Variants in LDLRAD4 observed in about 807,000 individuals in gnomAD.
LDLRAD4 encodes low-density lipoprotein receptor class A domain-containing protein 4.
LDLRAD4 carries 5 observed loss-of-function variants against 17.0 expected under a neutral mutation model. The observed-to-expected ratio is 0.29, with a 90% CI of 0.15 to 0.62. LDLRAD4 has a LOEUF of 0.62. Among genes scored for constraint, LDLRAD4 ranks in the 20% least tolerant of loss-of-function variants. The pLI is 0.84. For synonymous variants in LDLRAD4, 168 were observed against 171.8 expected (o/e 0.98, Z 0.17); for missense variants, 340 against 424.7 (o/e 0.80, Z 1.75).
rs948921988 is a variant in LDLRAD4 at position 13,334,220 on chromosome 18, G to A, written c.-382-53121G>A. On this transcript the variant is annotated intron_variant, in intron 1 of 5. Transcript: ENST00000359446. ...TTCATTTGTTCTTCGCTGGTCTATA[G>A]GAAAGCAATTACCTTTTTTATTTCT... Among the ~76,000 whole-genome samples, 4 of 151,956 alleles carry A rather than the reference G, an allele frequency of 2.6e-5. No homozygotes were observed. In the South Asian group the frequency reaches 6.2e-4, roughly 24 times the overall value.
At chr18:13,218,259 C>G (rs2041260636), upstream of LDLRAD4, among the ~76,000 whole-genome samples, 1 of 152,154 alleles carries the variant, frequency 6.6e-6, no homozygotes, top group Non-Finnish European at 1.5e-5. Flanking sequence ...AAGCTGGGCG[C>G]CGAGCGCGCG....
chr18:13,631,996 G>A (rs1245166510), intron 4 of LDLRAD4, among the ~76,000 whole-genome samples: 1 of 152,130 alleles, frequency 6.6e-6, no homozygotes, highest in African/African-American at 2.4e-5. Context: ...ATCAACAAGT[G>A]GGGGATTTAT....
intron 1 of LDLRAD4, among the ~76,000 whole-genome samples, chr18:13,363,222 C>T (rs917799890): frequency 1.3e-5 from 2 of 151,094 alleles, no homozygotes. Context: ...GTCCCAGCTA[C>T]GTGGGAGGCT....
At chr18:13,259,056 G>A (rs1436115194) in intron 1 of LDLRAD4, among the ~76,000 whole-genome samples, 2 of 152,318 alleles carry the variant, frequency 1.3e-5, no homozygotes, top group South Asian at 2.1e-4. Context: ...GAGTATTCCT[G>A]AAACAAATGC....
intron 1 of LDLRAD4, among the ~76,000 whole-genome samples, chr18:13,375,917 A>C (rs1289675333): frequency 2.0e-5 from 3 of 152,156 alleles, no homozygotes; most frequent in Non-Finnish European, 4.4e-5. Context: ...TCTAGTTTTT[A>C]AGTAAAAATA....
intron 1 of LDLRAD4, among the ~76,000 whole-genome samples, chr18:13,286,833 A>G (rs1354666363): frequency 6.6e-6 from 1 of 152,090 alleles, no homozygotes; most frequent in Non-Finnish European, 1.5e-5. Flanking sequence ...ACAGCTGTGG[A>G]GAAGAGGCCT....
chr18:13,445,441 G>T (rs1194391136), intron 3 of LDLRAD4, among the ~76,000 whole-genome samples: 1 of 152,098 alleles, frequency 6.6e-6, no homozygotes, highest in African/African-American at 2.4e-5. Flanking sequence ...GCCATGGGTG[G>T]AGTGTGTATG....
intron 1 of LDLRAD4, among the ~76,000 whole-genome samples, chr18:13,231,777 C>A (rs1371061954): frequency 1.3e-5 from 2 of 152,204 alleles, no homozygotes; most frequent in South Asian, 2.1e-4. Context: ...CTTTAAGGAA[C>A]AAATAATCAA....
intron 2 of LDLRAD4, among the ~76,000 whole-genome samples, chr18:13,405,730 C>T (rs1291728518): frequency 1.3e-5 from 2 of 152,002 alleles, no homozygotes; most frequent in Non-Finnish European, 2.9e-5. Flanking sequence ...CATGAGCCAC[C>T]GTGCCGAGCC....
intron 1 of LDLRAD4, among the ~76,000 whole-genome samples, chr18:13,231,587 G>A (rs1389746574): frequency 6.6e-6 from 1 of 152,230 alleles, no homozygotes; most frequent in East Asian, 1.9e-4. Context: ...CTCGACCACA[G>A]TGCTTTAATA....
At chr18:13,626,222 T>C (rs2041156247) in intron 4 of LDLRAD4, among the ~76,000 whole-genome samples, 1 of 152,202 alleles carries the variant, frequency 6.6e-6, no homozygotes, top group African/African-American at 2.4e-5. Context: ...GGAGCCTGGT[T>C]TGTGTGACTT....
At chr18:13,519,347 C>A (rs778060529) in intron 3 of LDLRAD4, among the ~76,000 whole-genome samples, 1 of 152,154 alleles carries the variant, frequency 6.6e-6, no homozygotes, top group East Asian at 1.9e-4. Context: ...CCTGGTGTTC[C>A]GGAGGGAGCC....
intron 2 of LDLRAD4, among the ~76,000 whole-genome samples, chr18:13,436,935 C>T (rs1600257304): frequency 6.6e-6 from 1 of 152,224 alleles, no homozygotes; most frequent in Non-Finnish European, 1.5e-5. Flanking sequence ...GATTATAATA[C>T]GCTTTTTATA....
intron 1 of LDLRAD4, among the ~76,000 whole-genome samples, chr18:13,369,258 A>G (rs2084286270): frequency 6.6e-6 from 1 of 152,150 alleles, no homozygotes; most frequent in Non-Finnish European, 1.5e-5. Flanking sequence ...GAGCACCTGT[A>G]TTTGGTGCTG....
intron 4 of LDLRAD4, among the ~76,000 whole-genome samples, chr18:13,633,785 T>C (rs1444231168): frequency 6.6e-6 from 1 of 152,190 alleles, no homozygotes; most frequent in Non-Finnish European, 1.5e-5. Flanking sequence ...AGCACAGGGA[T>C]GCCCTGGGTC....
Position 13,611,424 on chromosome 18 carries a change from A to G in LDLRAD4, c.182-9693A>G, listed in dbSNP as rs951437072. 4 of 984,804 alleles carry G rather than the reference A, an allele frequency of 4.1e-6. No homozygotes were observed. The African/African-American group carries it at 7.0e-5, about 17-fold the overall frequency. The allele number at this position is 984,804 out of a possible 1,614,324, so 61.0% of individuals were successfully genotyped here. On this transcript the variant is annotated intron_variant, in intron 3 of 5. Transcript: ENST00000359446. ...CACGGCCACCCCGTGATTTTCTCTG[A>G]AAACTGCGACAGACTCGCAGCCTGC... is the stretch of plus-strand genomic sequence containing the variant.
At chr18:13,413,665 A>G (rs2088584490) in intron 2 of LDLRAD4, among the ~76,000 whole-genome samples, 1 of 152,232 alleles carries the variant, frequency 6.6e-6, no homozygotes, top group Non-Finnish European at 1.5e-5. Context: ...GTCAACTGTC[A>G]ACATTTACTG....
chr18:13,378,447 A>G (rs1365871328), intron 1 of LDLRAD4, among the ~76,000 whole-genome samples: 1 of 152,242 alleles, frequency 6.6e-6, no homozygotes, highest in African/African-American at 2.4e-5. Context: ...TTAAAAGGTC[A>G]GCACTTTACC....
At chr18:13,245,255 C>G (rs945680081) in intron 1 of LDLRAD4, among the ~76,000 whole-genome samples, 16 of 152,172 alleles carry the variant, frequency 1.1e-4, no homozygotes, top group African/African-American at 3.6e-4. Flanking sequence ...CCCCTCTATT[C>G]TTGAGAGCTT....
Sources: allele counts gnomAD v4.1 joint callset (sites outside exome capture counted in the v4.1 genomes callset), GRCh38; gene constraint gnomAD v4.1.1; transcripts MANE v1.5; gene names NCBI Gene and HGNC (gene_info 2026-07-23, HGNC 2026-07-21).